Variants in TG observed in about 807,000 individuals in gnomAD.
TG encodes thyroglobulin, also known as thyroid hormones.
In TG, 270 loss-of-function variants were observed where a neutral mutation model predicts 324.7. That is an observed-to-expected ratio of 0.83 (90% CI 0.75 to 0.92). The LOEUF (loss-of-function observed/expected upper bound fraction) is 0.92. Among genes scored for constraint, TG ranks in the 40% least tolerant of loss-of-function variants. TG has a pLI of 0.00. For missense variants in TG, 3,591 were observed against 3,456.4 expected (o/e 1.04, Z -0.98); for synonymous variants, 1,401 against 1,327.0 (o/e 1.06, Z -1.21).
intron 27 of TG, among the ~76,000 whole-genome samples, chr8:132,958,023 G>A (rs1827185838): frequency 1.3e-5 from 2 of 152,102 alleles, no homozygotes; most frequent in South Asian, 4.1e-4. Context: ...CCACATATCA[G>A]TGAGAACATC....
chr8:133,064,986 A>T (rs1048303384), intron 41 of TG, among the ~76,000 whole-genome samples: 1 of 152,224 alleles, frequency 6.6e-6, no homozygotes, highest in Non-Finnish European at 1.5e-5. Context: ...GGTGACAGTT[A>T]GAATTAATTT....
At chr8:133,060,398 A>G in intron 41 of TG, 1 of 1,516,722 alleles carries the variant, frequency 6.6e-7, no homozygotes, top group South Asian at 1.3e-5. Context: ...AGGGAATGAC[A>G]GAAAAACCAC....
chr8:132,966,616 A>G lies in TG; in HGVS notation c.5605A>G (p.Asn1869Asp). The G allele has an allele frequency of 6.2e-7, 1 of 1,614,088 alleles. No individual in the cohort carries two copies. The highest frequency in any genetic ancestry group is 8.5e-7 in the Non-Finnish European group (1 of 1,180,004). The change falls in exon 30 of 48, where the codon AAT (asparagine) becomes GAT (aspartate). Residue 1869 changes from asparagine (N) to aspartate (D), a missense_variant. By Grantham distance (23) the Asn-to-Asp change is conservative (BLOSUM62 1). Coordinates refer to ENST00000220616, the MANE Select transcript of TG (RefSeq NM_003235.5). ...CCTCAACCAGGTCATTGTCAATGGA[A>G]ATCAATCACTATCCAGCCAGAAGCA... The part of the protein sequence containing the change: ...VDLNQVIVNG[N>D]QSLSSQKHWL...
chr8:133,067,776 T>TAGAAAGAAAGAAAGAAAA (rs1189458283), intron 41 of TG, among the ~76,000 whole-genome samples: 1 of 140,916 alleles, frequency 7.1e-6, no homozygotes, highest in African/African-American at 2.7e-5. Context: ...AGACTCCATC[T>TAGAAAGAAAGAAAGAAAA]AGAAAGAAAG....
intron 35 of TG, among the ~76,000 whole-genome samples, chr8:133,004,601 T>C (rs1490116223): frequency 1.3e-5 from 2 of 152,194 alleles, no homozygotes; most frequent in African/African-American, 4.8e-5. Context: ...TGAAATTACA[T>C]TGTAAATCGA....
chr8:132,957,030 A>G (rs1376984552), intron 27 of TG, among the ~76,000 whole-genome samples: 1 of 152,124 alleles, frequency 6.6e-6, no homozygotes, highest in Non-Finnish European at 1.5e-5. Flanking sequence ...GATGGGAATG[A>G]GAGATGAGGA....
At position 132,883,003 on chromosome 8, in the gene TG, G is replaced by T; in HGVS notation, c.1075+4G>T. ...CAAGGGGAGCCGCCATCTTGTGGTGGGTTTCCTCTGGGGGCTTCCTCTTTC... is the reference window on the plus strand; with the variant it reads ...CAAGGGGAGCCGCCATCTTGTGGTGTGTTTCCTCTGGGGGCTTCCTCTTTC... On this transcript the variant is annotated splice_donor_region_variant and intron_variant, in intron 8 of 47. Transcript: ENST00000220616. The T allele has an allele frequency of 6.2e-7, 1 of 1,613,478 alleles. No homozygotes were observed. The highest frequency in any genetic ancestry group is 8.5e-7 in the Non-Finnish European group (1 of 1,179,864).
chr8:132,873,741 T>C (rs1839712600), intron 5 of TG, among the ~76,000 whole-genome samples: 1 of 152,216 alleles, frequency 6.6e-6, no homozygotes, highest in African/African-American at 2.4e-5. Context: ...AAAGATTCTT[T>C]ATTTGTGCTT....
In TG at chr8:133,013,536, A is replaced by T. The variant is rs10105991; in HGVS notation, c.6398-64A>T. 0.47 allele frequency: 750,108 copies of T among 1,594,982 alleles called. 182,573 individuals carry two copies. Among genetic ancestry groups the T allele is most frequent in the African/African-American group, 0.68 (50,366 of 74,408 alleles). ...GTGGATGGTTGGATGGATGACTGGA[A>T]GAATGCATGAGTGAAGTAACATCTC... On this transcript the variant is annotated intron_variant, in intron 36 of 47. Transcript: ENST00000220616.
intron 16 of TG, among the ~76,000 whole-genome samples, chr8:132,902,376 T>A (rs550065251): frequency 1.3e-5 from 2 of 152,190 alleles, no homozygotes; most frequent in Non-Finnish European, 1.5e-5. Flanking sequence ...TGGTTGATAT[T>A]TGTAAAGAGA....
intron 5 of TG, among the ~76,000 whole-genome samples, chr8:132,880,790 T>A (rs1814548316): frequency 6.6e-6 from 1 of 152,238 alleles, no homozygotes; most frequent in Non-Finnish European, 1.5e-5. Context: ...TCTAACCTTT[T>A]TACATAATGT....
At chr8:132,873,383 T>A (rs1254738966) in intron 5 of TG, among the ~76,000 whole-genome samples, 162 bp downstream of exon 5, 3 of 152,210 alleles carry the variant, frequency 2.0e-5, no homozygotes, top group African/African-American at 7.2e-5. Flanking sequence ...GCCACGGCGT[T>A]TTTTAACAAG....
chr8:132,997,701 G>A (rs991754460), intron 35 of TG, among the ~76,000 whole-genome samples: 13 of 152,154 alleles, frequency 8.5e-5, no homozygotes, highest in African/African-American at 3.1e-4. Context: ...CTCAATAGTA[G>A]TGATTTGAGG....
intron 27 of TG, among the ~76,000 whole-genome samples, 188 bp downstream of exon 27, chr8:132,949,131 T>C (rs112218719): frequency 2.6e-5 from 4 of 151,936 alleles, no homozygotes; most frequent in African/African-American, 9.7e-5. Context: ...ATGGGAAGCA[T>C]CCATTTAGCT....
chr8:133,034,851 C>T (rs1056911208), intron 41 of TG, among the ~76,000 whole-genome samples: 4 of 152,116 alleles, frequency 2.6e-5, no homozygotes, highest in South Asian at 2.1e-4. Flanking sequence ...CCATACCTGC[C>T]GTCTTAGGGC....
intron 25 of TG, among the ~76,000 whole-genome samples, chr8:132,938,499 T>C (rs544643507): frequency 2.4e-4 from 37 of 152,318 alleles, no homozygotes; most frequent in Middle Eastern, 6.8e-3. Flanking sequence ...CTGAAAGGCC[T>C]TCCTGGCCTG....
intron 26 of TG, among the ~76,000 whole-genome samples, chr8:132,946,037 T>TAC (rs5895165): frequency 6.1e-4 from 71 of 116,988 alleles, no homozygotes; most frequent in East Asian, 1.3e-3. Flanking sequence ...AAAAATATGT[T>TAC]ACACACACAC....
intron 27 of TG, among the ~76,000 whole-genome samples, chr8:132,954,234 G>T (rs1302357246): frequency 1.3e-5 from 2 of 152,132 alleles, no homozygotes. Context: ...TGAATGCCTA[G>T]GAATAGGATG....
At chr8:132,988,375 C>G (rs936226897) in intron 35 of TG, among the ~76,000 whole-genome samples, 9 of 152,314 alleles carry the variant, frequency 5.9e-5, no homozygotes, top group Middle Eastern at 3.4e-3. Context: ...CAGCAAGGCT[C>G]AGGCAGGACC....
Sources: gnomAD v4.1 joint callset for allele counts (sites outside exome capture counted in the v4.1 genomes callset) on GRCh38, gnomAD v4.1.1 for gene constraint, MANE v1.5 for transcripts, NCBI Gene and HGNC (gene_info 2026-07-23, HGNC 2026-07-21) for gene names.